The following AFAP1L1 variants were observed in gnomAD, a reference collection of about 807,000 sequenced individuals.
AFAP1L1 encodes actin filament-associated protein 1-like 1.
AFAP1L1 carries 77 observed loss-of-function variants against 99.8 expected under a neutral mutation model. The ratio of observed to expected loss-of-function variants is 0.77; its 90% confidence interval spans 0.64 to 0.93. The LOEUF is 0.93. Ranked by LOEUF, AFAP1L1 falls within the 40% of genes least tolerant of loss-of-function variation. The probability of loss-of-function intolerance (pLI) is 0.00; values close to 1 mark genes in which losing one functional copy is unlikely to be tolerated. For missense variants in AFAP1L1, 893 were observed against 996.8 expected (o/e 0.90, Z 1.40); for synonymous variants, 373 against 395.3 (o/e 0.94, Z 0.67).
In AFAP1L1 at chr5:149,339,773, A is replaced by G. The variant is rs192115824; in HGVS notation, c.2284-234A>G. Among the ~76,000 whole-genome samples, 3 of 152,324 alleles carry G rather than the reference A, an allele frequency of 2.0e-5. No individual in the cohort carries two copies. In the East Asian group the frequency reaches 5.8e-4, roughly 29 times the overall value. On this transcript the variant is annotated intron_variant, in intron 18 of 18. Transcript: ENST00000296721. ...TTTGAGCAAAGGGTTTTGGATATAA[A>G]TTACATTTTTTAAAGACCATTCAGG...
At chr5:149,274,235 C>G (rs1244641134) in intron 1 of AFAP1L1, among the ~76,000 whole-genome samples, 1 of 152,214 alleles carries the variant, frequency 6.6e-6, no homozygotes, top group African/African-American at 2.4e-5. Context: ...GCACCTGGCA[C>G]ATAGTGCACA....
chr5:149,289,542 G>T lies in AFAP1L1; in HGVS notation c.17-9967G>T, dbSNP rs774789638. Among the ~76,000 whole-genome samples, 14 of 152,090 alleles carry T rather than the reference G, an allele frequency of 9.2e-5. No homozygotes were observed. The Middle Eastern group carries it at 0.01, about 111-fold the overall frequency. On this transcript the variant is annotated intron_variant, in intron 1 of 18. Coordinates refer to ENST00000296721, the MANE Select transcript of AFAP1L1 (RefSeq NM_152406.4). ...CAAGCTGGGACAACAGGAAGTGTTT[G>T]TCTTAGTGATAAACAATGCGAGTCC...
At chr5:149,275,334 A>G (rs1265553088) in intron 1 of AFAP1L1, among the ~76,000 whole-genome samples, 1 of 152,190 alleles carries the variant, frequency 6.6e-6, no homozygotes, top group East Asian at 1.9e-4. Context: ...ATCAAGGTGC[A>G]GTCAGGGTTA....
At chr5:149,325,393 A>C (rs1410511245) in intron 15 of AFAP1L1, among the ~76,000 whole-genome samples, 1 of 152,170 alleles carries the variant, frequency 6.6e-6, no homozygotes, top group Non-Finnish European at 1.5e-5. Context: ...ATTTTTTGTC[A>C]TACCCAGCTC....
intron 16 of AFAP1L1, among the ~76,000 whole-genome samples, chr5:149,330,161 G>C (rs1378491214): frequency 2.6e-5 from 4 of 152,222 alleles, no homozygotes; most frequent in African/African-American, 9.6e-5. Context: ...GGAAATAAGA[G>C]ATGTCATTTT....
At chr5:149,302,606 G>GCTTGCAGTTCC in intron 5 of AFAP1L1, 80 bp downstream of exon 5, 1 of 1,255,324 alleles carries the variant, frequency 8.0e-7, no homozygotes, top group Non-Finnish European at 1.1e-6. Flanking sequence ...TGTCCTGTGG[G>GCTTGCAGTTCC]AGCTGGAACT....
At chr5:149,293,322 G>A (rs906814524) in intron 1 of AFAP1L1, among the ~76,000 whole-genome samples, 1 of 152,222 alleles carries the variant, frequency 6.6e-6, no homozygotes, top group African/African-American at 2.4e-5. Flanking sequence ...GCTAGAAAAT[G>A]ACAGAGCTGG....
At chr5:149,310,980 G>C (rs1374865764) in intron 8 of AFAP1L1, among the ~76,000 whole-genome samples, 3 of 152,144 alleles carry the variant, frequency 2.0e-5, no homozygotes, top group Non-Finnish European at 4.4e-5. Flanking sequence ...ATTCTGGAGA[G>C]CACTTGGCAC....
chr5:149,299,487 G>C (rs1359565100), intron 1 of AFAP1L1, 22 bp from the exon 2 acceptor site: 1 of 1,613,496 alleles, frequency 6.2e-7, no homozygotes, highest in East Asian at 2.2e-5. Context: ...CTGTGACTGT[G>C]CCCGTCTGCC....
chr5:149,306,797 T>C (rs998244127), intron 6 of AFAP1L1, among the ~76,000 whole-genome samples: 7 of 152,228 alleles, frequency 4.6e-5, no homozygotes, highest in African/African-American at 1.7e-4. Flanking sequence ...TGCCAAACAC[T>C]TGGCTAAACA....
In AFAP1L1 at chr5:149,316,339, T is replaced by A. The variant is rs1181055722; in HGVS notation, c.1267+36T>A. ...GGCACGGGGAGGAAGGGTGCTCAGG[T>A]CCTGTGTGCGCGGGCTTTGGGGGCT... On this transcript the variant is annotated intron_variant, in intron 11 of 18. Coordinates refer to ENST00000296721, the MANE Select transcript of AFAP1L1 (RefSeq NM_152406.4). 3.8e-6 allele frequency: 6 copies of A among 1,599,984 alleles called. No homozygotes were observed. The South Asian group carries it at 6.7e-5, about 18-fold the overall frequency.
chr5:149,332,949 T>G (rs957714153), intron 17 of AFAP1L1, 76 bp downstream of exon 17: 1 of 1,438,300 alleles, frequency 7.0e-7, no homozygotes, highest in Admixed American at 3.0e-5. Flanking sequence ...TTCTTCATGA[T>G]CATTCTTTGG....
intron 18 of AFAP1L1, among the ~76,000 whole-genome samples, chr5:149,339,725 CTTG>C (rs1303313700): frequency 3.9e-5 from 6 of 152,172 alleles, no homozygotes; most frequent in South Asian, 2.1e-4. Flanking sequence ...CATAATGGAT[CTTG>C]TTGTGACATG....
intron 1 of AFAP1L1, among the ~76,000 whole-genome samples, chr5:149,296,983 AG>A (rs1340035092): frequency 1.3e-5 from 2 of 152,114 alleles, no homozygotes; most frequent in African/African-American, 4.8e-5. Context: ...ACAGCAGCAC[AG>A]GGGTAACCAC....
At chr5:149,328,784 A>G (rs554944780) in intron 15 of AFAP1L1, among the ~76,000 whole-genome samples, 1 of 152,304 alleles carries the variant, frequency 6.6e-6, no homozygotes, top group South Asian at 2.1e-4. Flanking sequence ...ACTGCACTTC[A>G]GCCTGGGTGA....
rs192947103 is a variant in AFAP1L1 at position 149,276,490 on chromosome 5, A to T, written c.16+4506A>T. Reference sequence around the variant, plus strand: ...GACACCGCCTTCTACAGAACAAGTTAATTAGCTCTCTGTCCCTGTCTACCA... The same window carrying T: ...GACACCGCCTTCTACAGAACAAGTTTATTAGCTCTCTGTCCCTGTCTACCA... On this transcript the variant is annotated intron_variant, in intron 1 of 18. Coordinates refer to ENST00000296721, the MANE Select transcript of AFAP1L1 (RefSeq NM_152406.4). Among the ~76,000 whole-genome samples the T allele has an allele frequency of 3.3e-3, 498 of 152,326 alleles. 4 individuals are homozygous for T. The highest frequency in any genetic ancestry group is 0.011 in the African/African-American group (448 of 41,566).
At chr5:149,289,205 A>G (rs1239162917) in intron 1 of AFAP1L1, among the ~76,000 whole-genome samples, 1 of 152,184 alleles carries the variant, frequency 6.6e-6, no homozygotes, top group Non-Finnish European at 1.5e-5. Flanking sequence ...CAAGTCCTCC[A>G]AGTCCCAAAT....
intron 5 of AFAP1L1, 36 bp downstream of exon 5, chr5:149,302,562 C>T: frequency 1.3e-6 from 2 of 1,531,966 alleles, no homozygotes; most frequent in Non-Finnish European, 1.8e-6. Context: ...CTGGGGACTT[C>T]CTGTCCCTGA....
At chr5:149,286,558 C>T (rs1025585258) in intron 1 of AFAP1L1, among the ~76,000 whole-genome samples, 2 of 152,196 alleles carry the variant, frequency 1.3e-5, no homozygotes, top group African/African-American at 4.8e-5. Flanking sequence ...CGATTGTCCA[C>T]CTAATGCTTT....
Sources: gnomAD v4.1 joint callset for allele counts (sites outside exome capture counted in the v4.1 genomes callset) on GRCh38, gnomAD v4.1.1 for gene constraint, MANE v1.5 for transcripts, NCBI Gene and HGNC (gene_info 2026-07-23, HGNC 2026-07-21) for gene names.